SPTLC1: variants seen among roughly 807,000 people sequenced by gnomAD.
SPTLC1 encodes serine palmitoyltransferase 1.
In SPTLC1, 55 loss-of-function variants were observed where a neutral mutation model predicts 68.9. That is an observed-to-expected ratio of 0.80 (90% CI 0.64 to 1.00). The LOEUF is 1.00. SPTLC1 is among the 50% of genes least tolerant of loss of function. The pLI is 0.00. For synonymous variants in SPTLC1, 197 were observed against 201.6 expected (o/e 0.98, Z 0.19); for missense variants, 449 against 573.1 (o/e 0.78, Z 2.21).
intron 6 of SPTLC1, among the ~76,000 whole-genome samples, chr9:92,064,494 T>C (rs1295783176): frequency 6.6e-6 from 1 of 152,244 alleles, no homozygotes; most frequent in Non-Finnish European, 1.5e-5. Flanking sequence ...ACCTTGATCA[T>C]TCATATCTTG....
chr9:92,044,853 G>A (rs375072166), intron 12 of SPTLC1, among the ~76,000 whole-genome samples: 6 of 152,168 alleles, frequency 3.9e-5, no homozygotes, highest in African/African-American at 1.2e-4. Context: ...TGAGGGGAGT[G>A]AAGACAGAGG....
Position 92,082,643 on chromosome 9 carries a change from C to T in SPTLC1, c.261-1680G>A, listed in dbSNP as rs1410935733. Among the ~76,000 whole-genome samples the T allele has an allele frequency of 1.2e-3, 189 of 151,858 alleles. 1 individual carries two copies. Among genetic ancestry groups the T allele is most frequent in the East Asian group, 1.7e-3 (9 of 5,156 alleles). ...TTTTCTTAATCCAGTCTATCATTGTCGGACATTTGGGTTGGTTCCAAGTCT... is the reference window on the plus strand; with the variant it reads ...TTTTCTTAATCCAGTCTATCATTGTTGGACATTTGGGTTGGTTCCAAGTCT... On this transcript the variant is annotated intron_variant, in intron 3 of 14. Coordinates refer to ENST00000262554, the MANE Select transcript of SPTLC1 (RefSeq NM_006415.4).
rs563505829 is a variant in SPTLC1 at position 92,032,193 on chromosome 9, T to C, written c.*272A>G. ...CTAGTATAAGAAAACATTTAAATAG[T>C]ACTAAATGCACAATTTAAACATCAG... On this transcript the variant is annotated 3_prime_UTR_variant, in exon 15 of 15. Coordinates refer to ENST00000262554, the MANE Select transcript of SPTLC1 (RefSeq NM_006415.4). 53 of 1,193,846 alleles carry C rather than the reference T, an allele frequency of 4.4e-5. 1 individual carries two copies. In the South Asian group the frequency reaches 8.0e-4, roughly 18 times the overall value. 74.0% of individuals were successfully genotyped at this position (1,193,846 alleles called of 1,614,324 possible). A position where few individuals can be genotyped will look rare whatever the true frequency, so the allele number is the denominator to read the frequency against.
At chr9:92,033,764 C>T (rs1469164010) in intron 14 of SPTLC1, among the ~76,000 whole-genome samples, 3 of 152,148 alleles carry the variant, frequency 2.0e-5, no homozygotes, top group Non-Finnish European at 1.5e-5. Flanking sequence ...CCAGGCTGGT[C>T]TTGTACTCCT....
chr9:92,061,837 A>G (rs547543367), intron 6 of SPTLC1, among the ~76,000 whole-genome samples: 42 of 152,314 alleles, frequency 2.8e-4, no homozygotes, highest in African/African-American at 9.1e-4. Context: ...TGACTAAAAA[A>G]AGCTATACAA....
chr9:92,042,934 T>C (rs1438955604), intron 12 of SPTLC1, among the ~76,000 whole-genome samples: 2 of 152,238 alleles, frequency 1.3e-5, no homozygotes, highest in Non-Finnish European at 2.9e-5. Context: ...CTTAGCCAGA[T>C]GTTATTCAGA....
At chr9:92,040,661 G>A (rs1234727600) in intron 12 of SPTLC1, among the ~76,000 whole-genome samples, 1 of 151,658 alleles carries the variant, frequency 6.6e-6, no homozygotes, top group Non-Finnish European at 1.5e-5. Flanking sequence ...AGGAGGCTGA[G>A]ACAGGAAAAT....
chr9:92,079,815 CG>C, intron 5 of SPTLC1, 200 bp downstream of exon 5: 2 of 658,942 alleles, frequency 3.0e-6, no homozygotes, highest in Non-Finnish European at 5.4e-6. Flanking sequence ...CCACCATGCC[CG>C]GCTAATTTTA....
intron 8 of SPTLC1, among the ~76,000 whole-genome samples, chr9:92,054,351 G>C (rs1215969542): frequency 2.0e-5 from 3 of 152,100 alleles, no homozygotes; most frequent in Non-Finnish European, 2.9e-5. Flanking sequence ...TTCTACAAAA[G>C]GTAAAACTAA....
intron 3 of SPTLC1, among the ~76,000 whole-genome samples, chr9:92,091,794 T>G (rs1325845228): frequency 1.3e-5 from 2 of 152,188 alleles, no homozygotes; most frequent in African/African-American, 2.4e-5. Context: ...AATCCAATTA[T>G]GTACAAAAGA....
chr9:92,097,257 G>A (rs949803904), intron 3 of SPTLC1, among the ~76,000 whole-genome samples: 3 of 152,166 alleles, frequency 2.0e-5, no homozygotes, highest in African/African-American at 7.2e-5. Context: ...ACAGTTTGGG[G>A]GTTCCTCAAA....
At chr9:92,079,459 A>T in intron 5 of SPTLC1, 1 of 1,606,198 alleles carries the variant, frequency 6.2e-7, no homozygotes, top group Non-Finnish European at 8.5e-7. Context: ...TTCTTTGATG[A>T]CTCCCAGGGA....
intron 5 of SPTLC1, among the ~76,000 whole-genome samples, chr9:92,072,332 T>C (rs1303213148): frequency 1.3e-5 from 2 of 152,126 alleles, no homozygotes; most frequent in African/African-American, 4.8e-5. Flanking sequence ...CTCCTCAAAA[T>C]TGAGACAAGG....
chr9:92,096,089 C>T (rs562702674), intron 3 of SPTLC1, among the ~76,000 whole-genome samples: 17 of 152,300 alleles, frequency 1.1e-4, no homozygotes, highest in Admixed American at 3.3e-4. Context: ...AGACCCTGGG[C>T]CTCTTGCCTT....
At chr9:92,043,174 T>C (rs1165837687) in intron 12 of SPTLC1, among the ~76,000 whole-genome samples, 3 of 152,208 alleles carry the variant, frequency 2.0e-5, no homozygotes, top group Non-Finnish European at 4.4e-5. Flanking sequence ...GGATCAGTGT[T>C]CTGTTATCTG....
At chr9:92,067,372 G>A (rs12235310) in intron 6 of SPTLC1, among the ~76,000 whole-genome samples, 11,799 of 152,044 alleles carry the variant, frequency 0.078, 824 homozygotes, top group East Asian at 0.27. Context: ...CCACTCATAG[G>A]ACGACAGGGC....
chr9:92,101,163 A>AGAC (rs1835734427), intron 3 of SPTLC1, among the ~76,000 whole-genome samples: 1 of 152,220 alleles, frequency 6.6e-6, no homozygotes, highest in South Asian at 2.1e-4. Flanking sequence ...TCTTAAGAAA[A>AGAC]TTCAATGAGA....
At chr9:92,067,046 C>T in intron 6 of SPTLC1, among the ~76,000 whole-genome samples, 1 of 151,722 alleles carries the variant, frequency 6.6e-6, no homozygotes, top group Non-Finnish European at 1.5e-5. Flanking sequence ...GCCTGTAATC[C>T]TAGCACTTTG....
chr9:92,034,761 A>G, intron 14 of SPTLC1, 49 bp downstream of exon 14: 1 of 1,489,982 alleles, frequency 6.7e-7, no homozygotes, highest in Non-Finnish European at 9.4e-7. Context: ...TATTTCATAG[A>G]GCTCAGAGTA....
Sources: gnomAD v4.1 joint callset for allele counts (sites outside exome capture counted in the v4.1 genomes callset) on GRCh38, gnomAD v4.1.1 for gene constraint, MANE v1.5 for transcripts, NCBI Gene and HGNC (gene_info 2026-07-23, HGNC 2026-07-21) for gene names.